RBFOX1: variants seen among roughly 807,000 people sequenced by gnomAD.
The protein encoded by RBFOX1 is RNA binding fox-1 homolog 1.
In RBFOX1, 8 loss-of-function variants were observed where a neutral mutation model predicts 57.7. The observed-to-expected ratio is 0.14, with a 90% CI of 0.08 to 0.25. The LOEUF (loss-of-function observed/expected upper bound fraction) is 0.25. RBFOX1 is among the 10% of genes least tolerant of loss of function. The probability of loss-of-function intolerance (pLI) is 1.00; values close to 1 mark genes in which losing one functional copy is unlikely to be tolerated. For missense variants in RBFOX1, 611 were observed against 548.5 expected (o/e 1.11, Z -1.14); for synonymous variants, 326 against 222.4 (o/e 1.47, Z -4.15).
At chr16:6,107,430 A>G (rs759249194) in intron 1 of RBFOX1, among the ~76,000 whole-genome samples, 2 of 151,930 alleles carry the variant, frequency 1.3e-5, no homozygotes, top group Non-Finnish European at 2.9e-5. Context: ...AGTAAGACAC[A>G]CTCCTCTGAA....
intron 3 of RBFOX1, among the ~76,000 whole-genome samples, chr16:6,968,466 G>A (rs756473280): frequency 2.0e-5 from 3 of 152,042 alleles, no homozygotes; most frequent in Non-Finnish European, 2.9e-5. Flanking sequence ...TATCCGGACC[G>A]AAAAACTGAG....
intron 1 of RBFOX1, among the ~76,000 whole-genome samples, chr16:5,294,649 C>A (rs946694862): frequency 2.0e-5 from 3 of 152,088 alleles, no homozygotes; most frequent in African/African-American, 7.2e-5. Context: ...TTTCTGAACA[C>A]CCCTATGTTT....
chr16:6,787,021 G>T lies in RBFOX1; in HGVS notation c.-16+132371G>T, dbSNP rs527403688. Among the ~76,000 whole-genome samples, 3 of 152,268 alleles carry T rather than the reference G, an allele frequency of 2.0e-5. No homozygotes were observed. The East Asian group carries it at 5.8e-4, about 29-fold the overall frequency. On this transcript the variant is annotated intron_variant, in intron 3 of 15. Transcript: ENST00000550418. ...AAAAACTTCCTGCTTTGGGGTTCAG[G>T]TTGGAATGTCAGAAATACATTAGTT... is the stretch of plus-strand genomic sequence containing the variant.
chr16:6,615,396 C>A (rs937401121), intron 2 of RBFOX1, among the ~76,000 whole-genome samples: 6 of 152,068 alleles, frequency 3.9e-5, no homozygotes, highest in Admixed American at 2.6e-4. Flanking sequence ...ATGCCAAAAC[C>A]CCGTCTCTAC....
chr16:7,520,717 T>C (rs1186972495), intron 5 of RBFOX1, among the ~76,000 whole-genome samples: 2 of 152,246 alleles, frequency 1.3e-5, no homozygotes, highest in Non-Finnish European at 2.9e-5. Flanking sequence ...TTGTTGCTTT[T>C]GCGCTGACTA....
At chr16:7,039,458 G>T (rs1158206992) in intron 3 of RBFOX1, among the ~76,000 whole-genome samples, 1 of 152,168 alleles carries the variant, frequency 6.6e-6, no homozygotes, top group Non-Finnish European at 1.5e-5. Flanking sequence ...TATGCAACAT[G>T]AGACAGAATC....
chr16:6,859,801 AGTATATTT>A (rs372120681), intron 3 of RBFOX1, among the ~76,000 whole-genome samples: 4,128 of 152,080 alleles, frequency 0.027, 107 homozygotes, highest in Non-Finnish European at 0.034. Context: ...CATTGATACA[AGTATATTT>A]TTTCTGCCAT....
At chr16:6,237,999 G>C (rs1244970015) in intron 1 of RBFOX1, among the ~76,000 whole-genome samples, 1 of 149,616 alleles carries the variant, frequency 6.7e-6, no homozygotes, top group Non-Finnish European at 1.5e-5. Context: ...GCTGAGGCAG[G>C]AGAATGACTT....
At chr16:5,439,037 G>A (rs1015380540) in intron 1 of RBFOX1, among the ~76,000 whole-genome samples, 2 of 150,378 alleles carry the variant, frequency 1.3e-5, no homozygotes, top group Non-Finnish European at 3.0e-5. Flanking sequence ...AATAATGGGG[G>A]GGGGGGCATA....
At chr16:5,859,728 A>G (rs553359674) in intron 3 of RBFOX1, among the ~76,000 whole-genome samples, 3 of 152,238 alleles carry the variant, frequency 2.0e-5, no homozygotes, top group African/African-American at 7.2e-5. Flanking sequence ...ATAAAATGCT[A>G]TTTCCATTTT....
chr16:6,845,148 GTT>G (rs1285989204), intron 3 of RBFOX1, among the ~76,000 whole-genome samples: 1 of 77,882 alleles, frequency 1.3e-5, no homozygotes, highest in Non-Finnish European at 3.0e-5. Flanking sequence ...CACTCTGGTA[GTT>G]TCTTTTTCTG....
intron 4 of RBFOX1, among the ~76,000 whole-genome samples, chr16:7,130,699 A>T (rs1045208028): frequency 6.6e-6 from 1 of 152,240 alleles, no homozygotes; most frequent in African/African-American, 2.4e-5. Context: ...TCTTAAAAGC[A>T]TAAATAATAG....
intron 1 of RBFOX1, among the ~76,000 whole-genome samples, chr16:6,306,812 C>T (rs1287530676): frequency 6.6e-6 from 1 of 152,110 alleles, no homozygotes; most frequent in Non-Finnish European, 1.5e-5. Context: ...TATACTATGC[C>T]TTGCACTCAG....
At chr16:6,281,572 C>T (rs1337248545) in intron 1 of RBFOX1, among the ~76,000 whole-genome samples, 5 of 151,990 alleles carry the variant, frequency 3.3e-5, no homozygotes, top group Non-Finnish European at 5.9e-5. Context: ...GTAAAAGAAA[C>T]AGGTGAGGTG....
chr16:7,132,511 A>G (rs960864965), intron 4 of RBFOX1, among the ~76,000 whole-genome samples: 1 of 150,738 alleles, frequency 6.6e-6, no homozygotes, highest in Non-Finnish European at 1.5e-5. Flanking sequence ...ACATAAGACA[A>G]ATGTATTCAG....
At chr16:5,705,514 C>A (rs902504215) in intron 3 of RBFOX1, among the ~76,000 whole-genome samples, 1 of 152,196 alleles carries the variant, frequency 6.6e-6, no homozygotes, top group African/African-American at 2.4e-5. Context: ...GATCTCTCAG[C>A]TTTTAAACAC....
chr16:6,734,902 A>G (rs1158807077), intron 3 of RBFOX1, among the ~76,000 whole-genome samples: 2 of 152,204 alleles, frequency 1.3e-5, no homozygotes, highest in East Asian at 1.9e-4. Context: ...ATCAGAATGT[A>G]TTAGGTTGTG....
chr16:7,231,362 T>A (rs1362542443), intron 4 of RBFOX1, among the ~76,000 whole-genome samples: 2 of 152,168 alleles, frequency 1.3e-5, no homozygotes, highest in African/African-American at 4.8e-5. Flanking sequence ...ACTGGAGTAT[T>A]AGAGAATCAG....
At chr16:6,041,301 G>A (rs556361478) in intron 1 of RBFOX1, among the ~76,000 whole-genome samples, 2 of 152,196 alleles carry the variant, frequency 1.3e-5, no homozygotes, top group South Asian at 4.1e-4. Flanking sequence ...CTTCTTTCAG[G>A]GGGAGGGTAA....
Sources: gnomAD v4.1 joint callset for allele counts (sites outside exome capture counted in the v4.1 genomes callset) on GRCh38, gnomAD v4.1.1 for gene constraint, MANE v1.5 for transcripts, NCBI Gene and HGNC (gene_info 2026-07-23, HGNC 2026-07-21) for gene names.